The following CPT1A variants were observed in gnomAD, a reference collection of about 807,000 sequenced individuals.
CPT1A encodes carnitine palmitoyltransferase 1A.
CPT1A carries 64 observed loss-of-function variants against 100.8 expected under a neutral mutation model. The observed-to-expected ratio is 0.63, with a 90% CI of 0.52 to 0.78. CPT1A has a LOEUF of 0.78. Among genes scored for constraint, CPT1A ranks in the 30% least tolerant of loss-of-function variants. The pLI, the probability that CPT1A is intolerant of heterozygous loss-of-function variation, is 0.00. For synonymous variants in CPT1A, 363 were observed against 396.0 expected (o/e 0.92, Z 0.99); for missense variants, 802 against 1,034.1 (o/e 0.78, Z 3.08).
intron 1 of CPT1A, chr11:68,839,454 G>C (rs949366628): frequency 1.1e-5 from 11 of 960,354 alleles, no homozygotes; most frequent in Non-Finnish European, 1.4e-5. Context: ...CAGGCGCTCG[G>C]ATCCTGTTCC....
intron 10 of CPT1A, among the ~76,000 whole-genome samples, chr11:68,782,851 ACG>A (rs1196850495): frequency 2.4e-4 from 36 of 152,286 alleles, no homozygotes; most frequent in African/African-American, 8.4e-4. Flanking sequence ...GGTGGCCGGC[ACG>A]TACGGAGCCC....
intron 1 of CPT1A, among the ~76,000 whole-genome samples, chr11:68,839,866 G>A (rs1041617770): frequency 6.6e-6 from 1 of 152,224 alleles, no homozygotes; most frequent in African/African-American, 2.4e-5. Flanking sequence ...AGTATCGGAA[G>A]GGACCCAGTT....
At chr11:68,782,168 T>A (rs900554669) in intron 10 of CPT1A, among the ~76,000 whole-genome samples, 1 of 152,166 alleles carries the variant, frequency 6.6e-6, no homozygotes, top group Non-Finnish European at 1.5e-5. Flanking sequence ...GCGGTGGGTA[T>A]TTTTTGTTCA....
intron 1 of CPT1A, chr11:68,839,457 C>A: frequency 1.0e-6 from 1 of 964,738 alleles, no homozygotes; most frequent in East Asian, 1.1e-4. Flanking sequence ...GCGCTCGGAT[C>A]CTGTTCCACC....
intron 10 of CPT1A, among the ~76,000 whole-genome samples, chr11:68,784,268 A>C (rs1465222926): frequency 6.6e-6 from 1 of 152,188 alleles, no homozygotes; most frequent in Non-Finnish European, 1.5e-5. Flanking sequence ...CCCCGTAAGA[A>C]AGGCTAATCC....
At chr11:68,834,404 C>T (rs769201556) in intron 1 of CPT1A, among the ~76,000 whole-genome samples, 5 of 152,002 alleles carry the variant, frequency 3.3e-5, no homozygotes, top group Non-Finnish European at 7.4e-5. Context: ...CCACTGCACC[C>T]CAGCCTGGGT....
At chr11:68,782,765 G>A (rs1299098208) in intron 10 of CPT1A, among the ~76,000 whole-genome samples, 2 of 152,180 alleles carry the variant, frequency 1.3e-5, no homozygotes, top group Non-Finnish European at 2.9e-5. Flanking sequence ...TGGCTATGGC[G>A]GCCCGCAGGG....
intron 14 of CPT1A, among the ~76,000 whole-genome samples, chr11:68,768,923 A>G (rs1375179857): frequency 1.3e-5 from 2 of 152,114 alleles, no homozygotes; most frequent in Admixed American, 6.5e-5. Context: ...CACCCTCACC[A>G]ACATGAAAAA....
intron 4 of CPT1A, among the ~76,000 whole-genome samples, chr11:68,806,172 C>T (rs929953287): frequency 2.6e-5 from 4 of 152,042 alleles, no homozygotes; most frequent in Non-Finnish European, 4.4e-5. Context: ...TGCACCACCA[C>T]GCCTGGCTAA....
chr11:68,832,522 A>G (rs1856904415), intron 1 of CPT1A, among the ~76,000 whole-genome samples: 1 of 152,160 alleles, frequency 6.6e-6, no homozygotes, highest in African/African-American at 2.4e-5. Flanking sequence ...CTTAACTCCC[A>G]AAGTAAAGTG....
At chr11:68,771,136 T>C (rs897770160) in intron 14 of CPT1A, among the ~76,000 whole-genome samples, 1 of 152,220 alleles carries the variant, frequency 6.6e-6, no homozygotes, top group Non-Finnish European at 1.5e-5. Flanking sequence ...TGCAAGCTCT[T>C]TGGAGTCACA....
intron 3 of CPT1A, among the ~76,000 whole-genome samples, chr11:68,812,225 C>G (rs980518992): frequency 6.6e-6 from 1 of 152,198 alleles, no homozygotes; most frequent in Non-Finnish European, 1.5e-5. Flanking sequence ...TCTTCTCACC[C>G]TGGTCTACAG....
At chr11:68,826,943 C>T (rs1272121474) in intron 1 of CPT1A, among the ~76,000 whole-genome samples, 1 of 152,072 alleles carries the variant, frequency 6.6e-6, no homozygotes. Context: ...CTGGGATGGG[C>T]AGACGACAAG....
intron 7 of CPT1A, among the ~76,000 whole-genome samples, chr11:68,795,735 C>A (rs1303176144): frequency 6.6e-6 from 1 of 151,970 alleles, no homozygotes; most frequent in African/African-American, 2.4e-5. Context: ...CATGGTGAAA[C>A]CCCGTTTCTA....
intron 9 of CPT1A, among the ~76,000 whole-genome samples, chr11:68,791,125 C>T (rs1855601929): frequency 6.6e-6 from 1 of 152,102 alleles, no homozygotes; most frequent in Admixed American, 6.6e-5. Context: ...TGCCTGGCCT[C>T]CCTTGTTTAT....
intron 9 of CPT1A, among the ~76,000 whole-genome samples, chr11:68,792,197 C>T (rs1392381075): frequency 4.0e-5 from 6 of 151,890 alleles, no homozygotes; most frequent in Non-Finnish European, 5.9e-5. Flanking sequence ...ATTAGCCGGG[C>T]GTGGTGGCAG....
intron 2 of CPT1A, among the ~76,000 whole-genome samples, chr11:68,813,056 C>CAA (rs751161035): frequency 7.9e-6 from 1 of 127,198 alleles, no homozygotes; most frequent in African/African-American, 2.9e-5. Context: ...ATACTCCAGC[C>CAA]AAAAAAAAAA....
intron 1 of CPT1A, among the ~76,000 whole-genome samples, chr11:68,817,911 T>G (rs1594366383): frequency 6.6e-6 from 1 of 151,394 alleles, no homozygotes; most frequent in African/African-American, 2.4e-5. Context: ...GTCGACAGGG[T>G]GTCTGGGTTC....
intron 1 of CPT1A, among the ~76,000 whole-genome samples, chr11:68,816,355 G>A (rs185541068): frequency 1.8e-3 from 273 of 152,292 alleles, no homozygotes; most frequent in African/African-American, 6.4e-3. Context: ...GTCCACAGAC[G>A]GAGCGGGCCT....
Sources: allele counts gnomAD v4.1 joint callset (sites outside exome capture counted in the v4.1 genomes callset), GRCh38; gene constraint gnomAD v4.1.1; transcripts MANE v1.5; gene names NCBI Gene and HGNC (gene_info 2026-07-23, HGNC 2026-07-21).